CCDC15: variants seen among roughly 807,000 people sequenced by gnomAD.
The protein encoded by CCDC15 is coiled-coil domain containing 15, also known as coiled-coil domain-containing protein 15.
Under a neutral mutation model 114.5 loss-of-function variants are expected in CCDC15, and 105 were observed. The ratio of observed to expected loss-of-function variants is 0.92; its 90% CI spans 0.78 to 1.08. The LOEUF is 1.08. Among genes scored for constraint, CCDC15 ranks in the 50% least tolerant of loss-of-function variants. CCDC15 has a pLI of 0.00. For missense variants in CCDC15, 1,105 were observed against 1,093.6 expected (o/e 1.01, Z -0.15); for synonymous variants, 334 against 377.8 (o/e 0.88, Z 1.34).
At chr11:124,990,503 C>G (rs770532297) in intron 8 of CCDC15, among the ~76,000 whole-genome samples, 19 of 152,272 alleles carry the variant, frequency 1.2e-4, no homozygotes, top group Non-Finnish European at 8.8e-5. Context: ...GTAAAAAACA[C>G]AACATCTGCA....
At chr11:125,025,039 C>CATATATGAATATATATATGAATATAT (rs1948687017) in intron 13 of CCDC15, among the ~76,000 whole-genome samples, 2 of 27,486 alleles carry the variant, frequency 7.3e-5, no homozygotes, top group African/African-American at 2.4e-4. Flanking sequence ...TATATGAATA[C>CATATATGAATATATATATGAATATAT]ATATGAATAT....
In CCDC15 at chr11:125,005,536, T is replaced by C. The variant is rs189378441; in HGVS notation, c.2411+324T>C. Among the ~76,000 whole-genome samples, 589 of 152,248 alleles carry C rather than the reference T, an allele frequency of 3.9e-3. 4 individuals carry two copies. Among genetic ancestry groups the C allele is most frequent in the African/African-American group, 0.013 (554 of 41,556 alleles). ...ACCATAGTGGTACAATGTATTAGAA[T>C]TGATGAACCTACATTGACACATTAT... On this transcript the variant is annotated intron_variant, in intron 13 of 15. Coordinates refer to ENST00000344762, the MANE Select transcript of CCDC15 (RefSeq NM_025004.3).
chr11:125,032,421 C>T (rs1948746035), intron 13 of CCDC15, among the ~76,000 whole-genome samples: 1 of 152,200 alleles, frequency 6.6e-6, no homozygotes, highest in Non-Finnish European at 1.5e-5. Flanking sequence ...ACACCTGGTA[C>T]AGCAGCTGCA....
At chr11:124,993,266 G>T in intron 11 of CCDC15, 23 bp downstream of exon 11, 1 of 1,465,270 alleles carries the variant, frequency 6.8e-7, no homozygotes. Flanking sequence ...CAATATTCAA[G>T]ATCTAGTCTC....
chr11:124,981,310 C>G (rs1450102380), intron 6 of CCDC15, among the ~76,000 whole-genome samples: 1 of 152,100 alleles, frequency 6.6e-6, no homozygotes, highest in Non-Finnish European at 1.5e-5. Flanking sequence ...GTGTTGAGCT[C>G]AGATCCTGAA....
At chr11:125,010,168 C>T (rs1473254928) in intron 13 of CCDC15, among the ~76,000 whole-genome samples, 1 of 152,076 alleles carries the variant, frequency 6.6e-6, no homozygotes, top group Non-Finnish European at 1.5e-5. Context: ...TGCAGCCTTG[C>T]AATTATTTGT....
At chr11:125,019,944 G>C (rs1014613471) in intron 13 of CCDC15, among the ~76,000 whole-genome samples, 1 of 210 alleles carries the variant, frequency 4.8e-3, no homozygotes, top group Non-Finnish European at 8.6e-3. Context: ...TTCTATGTGG[G>C]GGGGGGCACA....
intron 13 of CCDC15, among the ~76,000 whole-genome samples, chr11:125,016,246 A>G (rs1394623815): frequency 6.6e-6 from 1 of 152,122 alleles, no homozygotes; most frequent in Non-Finnish European, 1.5e-5. Flanking sequence ...ACTAGTGAAA[A>G]TAGATTTCCT....
At chr11:125,028,824 T>C (rs1325988056) in intron 13 of CCDC15, among the ~76,000 whole-genome samples, 2 of 152,184 alleles carry the variant, frequency 1.3e-5, no homozygotes, top group African/African-American at 4.8e-5. Context: ...ACCCATTTCA[T>C]TTTCTAATTC....
intron 13 of CCDC15, among the ~76,000 whole-genome samples, chr11:125,019,686 C>T (rs961858242): frequency 6.6e-6 from 1 of 151,904 alleles, no homozygotes; most frequent in Admixed American, 6.6e-5. Flanking sequence ...GCTTAGGTCA[C>T]TGGGTACATG....
Position 125,023,430 on chromosome 11 carries a change from G to A in CCDC15, c.2412-15001G>A, listed in dbSNP as rs115781655. 3.4e-3 allele frequency among the ~76,000 whole-genome samples: 511 copies of A among 152,034 alleles called. 2 individuals are homozygous for A. Among genetic ancestry groups the A allele is most frequent in the African/African-American group, 0.012 (481 of 41,516 alleles). ...GGACTTATGTCCAGAATATATAAATGACTCTTACAACTCAATAGTAAAAAG... is the reference window on the plus strand; with the variant it reads ...GGACTTATGTCCAGAATATATAAATAACTCTTACAACTCAATAGTAAAAAG... On this transcript the variant is annotated intron_variant, in intron 13 of 15. Coordinates refer to ENST00000344762, the MANE Select transcript of CCDC15 (RefSeq NM_025004.3).
At chr11:125,006,947 T>C (rs1005047881) in intron 13 of CCDC15, among the ~76,000 whole-genome samples, 9 of 152,238 alleles carry the variant, frequency 5.9e-5, no homozygotes, top group African/African-American at 1.9e-4. Context: ...CATATTTTTA[T>C]TGATACATAA....
At chr11:125,017,880 A>G (rs573096913) in intron 13 of CCDC15, among the ~76,000 whole-genome samples, 3 of 152,124 alleles carry the variant, frequency 2.0e-5, no homozygotes, top group Non-Finnish European at 4.4e-5. Context: ...AGCATATAGG[A>G]CAAGGATACA....
At chr11:125,011,398 C>T (rs751534845) in intron 13 of CCDC15, among the ~76,000 whole-genome samples, 4 of 151,892 alleles carry the variant, frequency 2.6e-5, no homozygotes, top group East Asian at 1.9e-4. Context: ...CCACCAAGCC[C>T]GGCTAATTTT....
Position 124,986,746 on chromosome 11 carries a change from T to G in CCDC15, c.758T>G (p.Leu253Arg), listed in dbSNP as rs1055927815. The G allele has an allele frequency of 5.9e-6, 9 of 1,536,096 alleles. No individual in the cohort carries two copies. The African/African-American group carries it at 1.3e-4, about 22-fold the overall frequency. Reference sequence around the variant, plus strand: ...TTTCATTGTTTTTTTCTTTAGGAACTTGACTATGAGGAACCTGACTATGAG... The same window carrying G: ...TTTCATTGTTTTTTTCTTTAGGAACGTGACTATGAGGAACCTGACTATGAG... The part of the protein sequence containing the change: ...PYQNYMENQE[L>R]DYEEPDYEES... The change falls in exon 7 of 16, where the codon CTT becomes CGT. Residue 253 changes from leucine to arginine, a missense_variant. Physicochemically the swap from Leu to Arg is moderately radical, Grantham distance 102 (BLOSUM62 -2). Coordinates refer to ENST00000344762, the MANE Select transcript of CCDC15 (RefSeq NM_025004.3).
intron 6 of CCDC15, among the ~76,000 whole-genome samples, chr11:124,981,599 C>T (rs984418870): frequency 6.6e-6 from 1 of 151,924 alleles, no homozygotes; most frequent in Non-Finnish European, 1.5e-5. Flanking sequence ...GTCAGGGGGC[C>T]GTTGAAATCT....
In CCDC15 at chr11:124,986,691, TTGTG is replaced by T. The variant is rs35483983; in HGVS notation, c.754-44_754-41del. 3.3e-6 allele frequency: 4 copies of T among 1,222,962 alleles called. 1 individual carries two copies. Among genetic ancestry groups the T allele is most frequent in the Non-Finnish European group, 1.1e-6 (1 of 912,658 alleles). The allele number at this position is 1,222,962 out of a possible 1,614,324, so 75.8% of individuals were successfully genotyped here. Reference sequence around the variant, plus strand: ...GCTGTGTGTGTGTGTGTGTGTGTGTTTGTGTGTGTGCGCGCGCGCGCGTGCGCGT... The same window carrying T: ...GCTGTGTGTGTGTGTGTGTGTGTGTTTGTGTGCGCGCGCGCGCGTGCGCGT... On this transcript the variant is annotated intron_variant, in intron 6 of 15. Coordinates refer to ENST00000344762, the MANE Select transcript of CCDC15 (RefSeq NM_025004.3).
chr11:125,006,149 C>T (rs1591606116), intron 13 of CCDC15, among the ~76,000 whole-genome samples: 1 of 152,154 alleles, frequency 6.6e-6, no homozygotes, highest in Non-Finnish European at 1.5e-5. Context: ...AAATGGTCTT[C>T]CAAAGTGGCT....
intron 13 of CCDC15, among the ~76,000 whole-genome samples, chr11:125,026,760 C>T (rs1948705430): frequency 6.6e-6 from 1 of 152,002 alleles, no homozygotes; most frequent in African/African-American, 2.4e-5. Flanking sequence ...ATTTCAATAG[C>T]TGTTGGGGAA....
Sources: allele counts gnomAD v4.1 joint callset (sites outside exome capture counted in the v4.1 genomes callset), GRCh38; gene constraint gnomAD v4.1.1; transcripts MANE v1.5; gene names NCBI Gene and HGNC (gene_info 2026-07-23, HGNC 2026-07-21).